ST3GAL3: variants seen among roughly 807,000 people sequenced by gnomAD.
The protein encoded by ST3GAL3 is CMP-N-acetylneuraminate-beta-1,4-galactoside alpha-2,3-sialyltransferase.
A neutral mutation model predicts 50.1 loss-of-function variants in ST3GAL3; 21 were observed. The observed-to-expected ratio is 0.42, with a 90% CI of 0.30 to 0.60. ST3GAL3 has a LOEUF of 0.60. ST3GAL3 is among the 20% of genes least tolerant of loss of function. The pLI is 0.19. For missense variants in ST3GAL3, 353 were observed against 489.4 expected (o/e 0.72, Z 2.63); for synonymous variants, 183 against 190.0 (o/e 0.96, Z 0.30).
chr1:43,759,881 G>T (rs1241448815), intron 2 of ST3GAL3, among the ~76,000 whole-genome samples: 1 of 152,204 alleles, frequency 6.6e-6, no homozygotes, highest in East Asian at 1.9e-4. Context: ...AAAAACGAAT[G>T]TCTACTCAGG....
intron 6 of ST3GAL3, 45 bp downstream of exon 6, chr1:43,894,522 C>T: frequency 5.8e-6 from 9 of 1,545,424 alleles, no homozygotes; most frequent in Non-Finnish European, 8.1e-6. Flanking sequence ...ATCCCCCCGA[C>T]TGTCTCCCTG....
chr1:43,920,758 C>T (rs765704764), intron 10 of ST3GAL3, 24 bp from the exon 11 acceptor site: 48 of 1,614,072 alleles, frequency 3.0e-5, no homozygotes, highest in Middle Eastern at 3.3e-4. Flanking sequence ...CATGCCTTCT[C>T]TCACCCCTGC....
At chr1:43,851,943 G>C (rs1162678019) in intron 5 of ST3GAL3, among the ~76,000 whole-genome samples, 1 of 152,186 alleles carries the variant, frequency 6.6e-6, no homozygotes, top group Non-Finnish European at 1.5e-5. Flanking sequence ...CTTGCACCAG[G>C]CTTAGGCTTG....
chr1:43,835,825 G>A (rs1215265321), intron 4 of ST3GAL3, among the ~76,000 whole-genome samples: 1 of 152,188 alleles, frequency 6.6e-6, no homozygotes, highest in East Asian at 1.9e-4. Context: ...GCAAGCAGAT[G>A]GTGGGGACTG....
intron 1 of ST3GAL3, among the ~76,000 whole-genome samples, chr1:43,730,567 C>CTTTTT (rs1456775704): frequency 7.5e-6 from 1 of 134,020 alleles, no homozygotes; most frequent in South Asian, 2.3e-4. Flanking sequence ...CTTTTCTTTT[C>CTTTTT]TTTCTTTTTT....
intron 11 of ST3GAL3, among the ~76,000 whole-genome samples, chr1:43,925,170 A>C (rs1304054046): frequency 6.6e-6 from 1 of 151,974 alleles, no homozygotes; most frequent in Non-Finnish European, 1.5e-5. Flanking sequence ...CATGCCTGTA[A>C]TCCCAGCTAC....
In ST3GAL3 at chr1:43,899,360, G is replaced by A. The variant is rs2077889033; in HGVS notation, c.557+97G>A. On this transcript the variant is annotated intron_variant, in intron 8 of 11. Coordinates refer to ENST00000347631, the MANE Select transcript of ST3GAL3 (RefSeq NM_006279.5). The surrounding 1 kb of genome is among the most constrained non-coding windows in gnomAD (Gnocchi z 5.4). ...TGTCTGTCTGGCTAGTTGGGCTGGA[G>A]GTCAACGGAAGCCTCAAGAACTCTG... 14 of 1,606,516 alleles carry A rather than the reference G, an allele frequency of 8.7e-6. No individual in the cohort carries two copies. The South Asian group carries it at 1.6e-4, about 18-fold the overall frequency.
At chr1:43,715,635 A>T (rs185549425) in intron 1 of ST3GAL3, among the ~76,000 whole-genome samples, 298 of 152,084 alleles carry the variant, frequency 2.0e-3, no homozygotes, top group African/African-American at 6.9e-3. Flanking sequence ...TCAAAAAATT[A>T]AAAAATTAGC....
intron 2 of ST3GAL3, chr1:43,772,512 A>G (rs2154133981): frequency 6.6e-6 from 1 of 152,200 alleles, no homozygotes; most frequent in South Asian, 2.1e-4. Context: ...TATTGCAGTG[A>G]TTTTTTTTGG....
chr1:43,926,823 C>T (rs2084048045), intron 11 of ST3GAL3, among the ~76,000 whole-genome samples: 1 of 152,040 alleles, frequency 6.6e-6, no homozygotes, highest in East Asian at 1.9e-4. Flanking sequence ...AGAGCTACAC[C>T]CCAGGGCTGA....
chr1:43,905,789 T>G (rs1377916584), intron 9 of ST3GAL3, among the ~76,000 whole-genome samples: 6 of 96,564 alleles, frequency 6.2e-5, no homozygotes, highest in Non-Finnish European at 1.2e-4. Context: ...ACTCTTCCCC[T>G]GCCACTTTTC....
At chr1:43,889,725 A>G (rs917550549) in intron 5 of ST3GAL3, among the ~76,000 whole-genome samples, 1 of 152,240 alleles carries the variant, frequency 6.6e-6, no homozygotes, top group African/African-American at 2.4e-5. Flanking sequence ...CACTGGAAAC[A>G]AGGATATCAG....
chr1:43,828,556 A>G (rs37455), intron 4 of ST3GAL3, among the ~76,000 whole-genome samples: 48,239 of 151,978 alleles, frequency 0.32, 7,854 homozygotes, highest in Middle Eastern at 0.37. Flanking sequence ...CATTAAGAAA[A>G]CAACCAACCC....
chr1:43,772,157 C>T, intron 2 of ST3GAL3: 1 of 396,784 alleles, frequency 2.5e-6, no homozygotes, highest in Non-Finnish European at 4.4e-6. Flanking sequence ...TCAAGCGATT[C>T]TCCTGCCTCA....
At chr1:43,893,245 C>G (rs1490041482) in intron 5 of ST3GAL3, among the ~76,000 whole-genome samples, 2 of 152,236 alleles carry the variant, frequency 1.3e-5, no homozygotes, top group Admixed American at 1.3e-4. Flanking sequence ...AGGGCCACCC[C>G]TGCAGCCTCC....
At chr1:43,722,164 C>T (rs1408623912) in intron 1 of ST3GAL3, among the ~76,000 whole-genome samples, 3 of 152,146 alleles carry the variant, frequency 2.0e-5, no homozygotes, top group South Asian at 4.1e-4. Context: ...TAATGCTTCC[C>T]TACAGAATTA....
chr1:43,709,593 C>T (rs1663538241), intron 1 of ST3GAL3: 1 of 151,924 alleles, frequency 6.6e-6, no homozygotes, highest in Non-Finnish European at 1.5e-5. Context: ...GTTGCCCAGG[C>T]TGTTCTTGAA....
chr1:43,827,005 T>C (rs1184796319), intron 4 of ST3GAL3, among the ~76,000 whole-genome samples: 1 of 152,180 alleles, frequency 6.6e-6, no homozygotes, highest in African/African-American at 2.4e-5. Flanking sequence ...CACTGGATTC[T>C]TTTCCCCTAA....
intron 3 of ST3GAL3, 33 bp downstream of exon 3, chr1:43,792,182 G>T: frequency 1.2e-6 from 2 of 1,613,992 alleles, no homozygotes; most frequent in Non-Finnish European, 1.7e-6. Flanking sequence ...CATCTTTTTG[G>T]CCTTCAATAT....
Sources: allele counts gnomAD v4.1 joint callset (sites outside exome capture counted in the v4.1 genomes callset), GRCh38; gene constraint gnomAD v4.1.1; non-coding constraint Gnocchi (gnomAD v3.1); transcripts MANE v1.5; gene names NCBI Gene and HGNC (gene_info 2026-07-23, HGNC 2026-07-21).